CLVS1: variants seen among roughly 807,000 people sequenced by gnomAD.
The protein encoded by CLVS1 is clavesin-1.
In CLVS1, 10 loss-of-function variants were observed where a neutral mutation model predicts 33.1. The ratio of observed to expected loss-of-function variants is 0.30; its 90% CI spans 0.19 to 0.51. CLVS1 has a LOEUF of 0.51. Ranked by LOEUF, CLVS1 falls within the 20% of genes least tolerant of loss-of-function variation. The pLI, the probability that CLVS1 is intolerant of heterozygous loss-of-function variation, is 0.97. For missense variants in CLVS1, 343 were observed against 433.4 expected, an observed-to-expected ratio of 0.79 and a Z score of 1.85; for synonymous variants, 163 against 166.1, an observed-to-expected ratio of 0.98 and a Z score of 0.14.
chr8:61,128,913 G>C (rs890411402), intron 1 of CLVS1, among the ~76,000 whole-genome samples: 4 of 152,292 alleles, frequency 2.6e-5, no homozygotes, highest in African/African-American at 9.6e-5. Context: ...TCACTCTTTA[G>C]AGTGATTCCA....
chr8:61,255,419 C>T (rs759905116), intron 2 of CLVS1, among the ~76,000 whole-genome samples: 2 of 152,134 alleles, frequency 1.3e-5, no homozygotes, highest in Non-Finnish European at 2.9e-5. Context: ...TTGCTAAGTG[C>T]TGAGGTTATA....
At chr8:61,496,661 A>ATAGT (rs71300640) in intron 5 of CLVS1, among the ~76,000 whole-genome samples, 81,337 of 151,692 alleles carry the variant, frequency 0.54, 25,916 homozygotes, top group Non-Finnish European at 0.71. Flanking sequence ...GAATGGATTG[A>ATAGT]TAGTTACAGT....
At chr8:61,281,733 C>T (rs1174507979) in intron 2 of CLVS1, among the ~76,000 whole-genome samples, 2 of 152,060 alleles carry the variant, frequency 1.3e-5, no homozygotes, top group Non-Finnish European at 1.5e-5. Context: ...ACTAAATATC[C>T]AAGGCCCTCT....
At chr8:61,217,978 C>T (rs1027811427) in intron 2 of CLVS1, among the ~76,000 whole-genome samples, 1 of 152,114 alleles carries the variant, frequency 6.6e-6, no homozygotes, top group African/African-American at 2.4e-5. Flanking sequence ...GTTAGGATGA[C>T]TATTATCAAA....
the CLVS1 span, among the ~76,000 whole-genome samples, chr8:61,006,486 G>A: frequency 2.3e-4 from 35 of 152,244 alleles, 1 homozygote; most frequent in African/African-American, 7.2e-4. Context: ...TGCCTTTACC[G>A]TCTGTCTGCT....
chr8:61,303,443 T>A (rs1810507399), intron 2 of CLVS1, among the ~76,000 whole-genome samples: 1 of 152,224 alleles, frequency 6.6e-6, no homozygotes, highest in African/African-American at 2.4e-5. Flanking sequence ...ATGTGAAGCT[T>A]ATTCAGCCTG....
intron 5 of CLVS1, among the ~76,000 whole-genome samples, chr8:61,495,624 A>G (rs35893795): frequency 1.3e-5 from 2 of 152,322 alleles, no homozygotes; most frequent in Admixed American, 6.5e-5. Context: ...TTAATACCCA[A>G]CCATGTACCT....
chr8:61,273,408 G>A (rs904540294), intron 2 of CLVS1, among the ~76,000 whole-genome samples: 86 of 152,276 alleles, frequency 5.6e-4, no homozygotes, highest in African/African-American at 1.7e-3. Flanking sequence ...GTCAGAGAGG[G>A]ACATTTAAGT....
chr8:61,293,203 C>T lies in CLVS1; in HGVS notation c.-152+5065C>T, dbSNP rs556548490. Reference sequence around the variant, plus strand: ...TGTAGCATGGGCTAAATTCTGGTCACGTTATGCTTTCAGATAATTCAGAGT... The same window carrying T: ...TGTAGCATGGGCTAAATTCTGGTCATGTTATGCTTTCAGATAATTCAGAGT... On this transcript the variant is annotated intron_variant, in intron 1 of 5. Transcript: ENST00000325897. Among the ~76,000 whole-genome samples the T allele has an allele frequency of 2.7e-4, 41 of 152,240 alleles. No homozygotes were observed. The South Asian group carries it at 7.7e-3, about 29-fold the overall frequency.
At chr8:61,345,227 G>A (rs954771713) in intron 2 of CLVS1, among the ~76,000 whole-genome samples, 1 of 152,128 alleles carries the variant, frequency 6.6e-6, no homozygotes, top group Non-Finnish European at 1.5e-5. Context: ...AAGGCAGTAG[G>A]CCCCATACAC....
intron 2 of CLVS1, among the ~76,000 whole-genome samples, chr8:61,147,370 C>T (rs1339637307): frequency 6.6e-6 from 1 of 152,100 alleles, no homozygotes; most frequent in African/African-American, 2.4e-5. Context: ...GATATTGCAA[C>T]TGTGGAACTA....
At chr8:61,061,442 C>A (rs1217071302) in intron 1 of CLVS1, among the ~76,000 whole-genome samples, 1 of 152,194 alleles carries the variant, frequency 6.6e-6, no homozygotes. Flanking sequence ...TTGCTTCCTG[C>A]ACAATCATTC....
intron 2 of CLVS1, among the ~76,000 whole-genome samples, chr8:61,160,902 A>G (rs1028937726): frequency 4.6e-5 from 7 of 152,232 alleles, no homozygotes; most frequent in Admixed American, 3.9e-4. Flanking sequence ...CTCGTAGAAG[A>G]GGAGAAAATA....
the CLVS1 span, among the ~76,000 whole-genome samples, chr8:61,002,523 G>C: frequency 1.3e-5 from 2 of 151,746 alleles, no homozygotes; most frequent in South Asian, 2.1e-4. Context: ...TAGTAGAGAC[G>C]GGGTTTCACC....
chr8:61,046,876 A>C, the CLVS1 span, among the ~76,000 whole-genome samples: 1 of 152,096 alleles, frequency 6.6e-6, no homozygotes, highest in Non-Finnish European at 1.5e-5. Flanking sequence ...TTATCAGCTT[A>C]AGGAGATTTT....
At position 61,409,108 on chromosome 8, in the gene CLVS1, T is replaced by G. The variant is rs150093315; in HGVS notation, c.630+32329T>G. 2.0e-4 allele frequency among the ~76,000 whole-genome samples: 30 copies of G among 152,312 alleles called. No homozygotes were observed. In the East Asian group the frequency reaches 4.1e-3, roughly 21 times the overall value. ...TTTGATTTTCTTAAAAAGGACAATTTGGTGAGACTATTAAAATCAGACATA... is the reference window on the plus strand; with the variant it reads ...TTTGATTTTCTTAAAAAGGACAATTGGGTGAGACTATTAAAATCAGACATA... On this transcript the variant is annotated intron_variant, in intron 3 of 5. Coordinates refer to ENST00000325897, the MANE Select transcript of CLVS1 (RefSeq NM_173519.3).
At chr8:61,464,544 G>C (rs1817479986) in intron 5 of CLVS1, 1 of 152,222 alleles carries the variant, frequency 6.6e-6, no homozygotes, top group Admixed American at 6.5e-5. Flanking sequence ...GGAGCAAGAT[G>C]CTGCTACAGC....
intron 3 of CLVS1, among the ~76,000 whole-genome samples, chr8:61,449,567 T>C (rs1490549855): frequency 6.6e-6 from 1 of 152,230 alleles, no homozygotes; most frequent in Non-Finnish European, 1.5e-5. Context: ...TCCTGTGATG[T>C]TTGACTGGCA....
intron 2 of CLVS1, among the ~76,000 whole-genome samples, chr8:61,362,661 C>T (rs1170288784): frequency 1.3e-5 from 2 of 152,224 alleles, no homozygotes; most frequent in Non-Finnish European, 2.9e-5. Context: ...CAGAGGTCCC[C>T]CAATTGGAAA....
Sources: gnomAD v4.1 joint callset for allele counts (sites outside exome capture counted in the v4.1 genomes callset) on GRCh38, gnomAD v4.1.1 for gene constraint, MANE v1.5 for transcripts, NCBI Gene and HGNC (gene_info 2026-07-23, HGNC 2026-07-21) for gene names.